Variants in BCL6 observed in about 807,000 individuals in gnomAD.
The protein encoded by BCL6 is B-cell lymphoma 6 protein.
A neutral mutation model predicts 59.5 loss-of-function variants in BCL6; 7 were observed. The observed-to-expected ratio is 0.12, with a 90% confidence interval of 0.07 to 0.22. The LOEUF is 0.22. Ranked by LOEUF, BCL6 falls within the 10% of genes least tolerant of loss-of-function variation. The pLI, the probability that BCL6 is intolerant of heterozygous loss-of-function variation, is 1.00. For missense variants in BCL6, 685 were observed against 939.4 expected (o/e 0.73, Z 3.54); for synonymous variants, 339 against 349.7 (o/e 0.97, Z 0.34).
chr3:187,741,233 A>G (rs1711579011), intron 1 of BCL6, among the ~76,000 whole-genome samples: 2 of 152,112 alleles, frequency 1.3e-5, no homozygotes, highest in African/African-American at 4.8e-5. Flanking sequence ...AGCAACCACA[A>G]CGCGGTATCT....
chr3:187,722,324 C>CCCCCCCCCCCCCCAG lies in BCL6; in HGVS notation c.*133_*134insCTGGGGGGGGGGGGG. Reference sequence around the variant, plus strand: ...CCCAGGCCCCGACCCCCACCACCCCCAACCCCCAGCTATGATTTGCACTAG... The same window carrying CCCCCCCCCCCCCCAG: ...CCCAGGCCCCGACCCCCACCACCCCCCCCCCCCCCCCCCAGAACCCCCAGCTATGATTTGCACTAG... On this transcript the variant is annotated 3_prime_UTR_variant, in exon 10 of 10. Transcript: ENST00000406870. 3.0e-6 allele frequency: 2 copies of CCCCCCCCCCCCCCAG among 670,270 alleles called. No individual in the cohort carries two copies. Among genetic ancestry groups the CCCCCCCCCCCCCCAG allele is most frequent in the East Asian group, 4.1e-5 (1 of 24,236 alleles). 41.5% of individuals were successfully genotyped at this position (670,270 alleles called of 1,614,324 possible). A position where few individuals can be genotyped will look rare whatever the true frequency, so the allele number is the denominator to read the frequency against.
At position 187,729,926 on chromosome 3, in the gene BCL6, C is replaced by T. The variant is rs138532510; in HGVS notation, c.479G>A (p.Arg160His). 104 of 1,613,996 alleles carry T rather than the reference C, an allele frequency of 6.4e-5. 1 individual carries two copies. Among genetic ancestry groups the T allele is most frequent in the South Asian group, 3.0e-4 (27 of 91,036 alleles). Residue 160 changes from arginine (R) to histidine (H), a missense_variant, in exon 5 of 10, where the codon CGT (arginine) becomes CAT (histidine). Coordinates refer to ENST00000406870, the MANE Select transcript of BCL6 (RefSeq NM_001706.5). The surrounding 1 kb of genome is among the most constrained non-coding windows in gnomAD (Gnocchi z 5.6). ...MPQDIMAYRG[R>H]EVVENNLPLR... ...TGGCAGGTTGTTCTCCACCACCTCACGACCCCGATAGGCCATGATGTCTTG... is the reference window on the plus strand; with the variant it reads ...TGGCAGGTTGTTCTCCACCACCTCATGACCCCGATAGGCCATGATGTCTTG...
intron 2 of BCL6, chr3:187,733,927 G>C (rs1409298010): frequency 1.8e-6 from 1 of 550,948 alleles, no homozygotes; most frequent in Non-Finnish European, 3.3e-6. Context: ...AAGCCCTTTA[G>C]GGGAAAAGCA....
At position 187,735,272 on chromosome 3, in the gene BCL6, C is replaced by A. The variant is rs544038280; in HGVS notation, c.-49-365G>T. ...AGAAAAATGGTTCTGTCAACATTAACAATAACGATTCGTCCGTGGCCTAAA... is the reference window on the plus strand; with the variant it reads ...AGAAAAATGGTTCTGTCAACATTAAAAATAACGATTCGTCCGTGGCCTAAA... On this transcript the variant is annotated intron_variant, in intron 1 of 9. Transcript: ENST00000406870. Among the ~76,000 whole-genome samples the A allele has an allele frequency of 4.6e-5, 7 of 152,298 alleles. No homozygotes were observed. The South Asian group carries it at 1.0e-3, about 23-fold the overall frequency.
chr3:187,736,800 C>T (rs1344849718), intron 1 of BCL6: 1 of 152,120 alleles, frequency 6.6e-6, no homozygotes, highest in African/African-American at 2.4e-5. Context: ...TTGTCACCAC[C>T]CCCACCCCAA....
rs775007455 is a variant in BCL6, at chr3:187,722,479, C to T, written c.2100G>A (p.Pro700=). Residue 700 remains proline (P), a synonymous_variant, in exon 10 of 10, where the codon CCG becomes CCA. Coordinates refer to ENST00000406870, the MANE Select transcript of BCL6 (RefSeq NM_001706.5). Reference sequence around the variant, plus strand: ...TGCTTCAGCAGGCTTTGGGGAGCTCCGGAGGCAGGTCAGTGGCTGACACGC... The same window carrying T: ...TGCTTCAGCAGGCTTTGGGGAGCTCTGGAGGCAGGTCAGTGGCTGACACGC... ...QYRVSATDLP[P]ELPKAC The T allele has an allele frequency of 1.9e-5, 30 of 1,613,192 alleles. No homozygotes were observed. Among genetic ancestry groups the T allele is most frequent in the South Asian group, 7.7e-5 (7 of 90,966 alleles).
intron 1 of BCL6, among the ~76,000 whole-genome samples, chr3:187,744,827 T>A (rs544401855): frequency 2.0e-5 from 3 of 152,040 alleles, no homozygotes; most frequent in East Asian, 1.9e-4. Context: ...GAAAGCAGTT[T>A]GCAAGCGAGA....
In BCL6 at chr3:187,722,337, T is replaced by C. The variant is rs987944706; in HGVS notation, c.*121A>G. 4 of 243,018 alleles carry C rather than the reference T, an allele frequency of 1.6e-5. No individual in the cohort carries two copies. In the South Asian group the frequency reaches 3.5e-4, roughly 21 times the overall value. The allele number at this position is 243,018 out of a possible 1,614,324, so 15.1% of individuals were successfully genotyped here. A position where few individuals can be genotyped will look rare whatever the true frequency, so the allele number is the denominator to read the frequency against. On this transcript the variant is annotated 3_prime_UTR_variant, in exon 10 of 10. Coordinates refer to ENST00000406870, the MANE Select transcript of BCL6 (RefSeq NM_001706.5). Reference sequence around the variant, plus strand: ...CCCCACCACCCCCAACCCCCAGCTATGATTTGCACTAGTGGATGAAAGAGG... The same window carrying C: ...CCCCACCACCCCCAACCCCCAGCTACGATTTGCACTAGTGGATGAAAGAGG...
chr3:187,728,443 G>C lies in BCL6; in HGVS notation c.1457C>G (p.Ala486Gly), dbSNP rs1718835093. The change falls in exon 6 of 10, where the codon GCA becomes GGA. Residue 486 changes from alanine to glycine, a missense_variant. Coordinates refer to ENST00000406870, the MANE Select transcript of BCL6 (RefSeq NM_001706.5). Reference protein sequence around the residue: ...TSCGSQSPQHAEMCLHTAGPT... With the variant: ...TSCGSQSPQHGEMCLHTAGPT... ...GCCAGCGGTGTGGAGGCACATCTCTGCATGCTGTGGGGACTGAGAGCCGCA... is the reference window on the plus strand; with the variant it reads ...GCCAGCGGTGTGGAGGCACATCTCTCCATGCTGTGGGGACTGAGAGCCGCA... 6.2e-7 allele frequency: 1 copy of C among 1,612,646 alleles called. No individual in the cohort carries two copies. Among genetic ancestry groups the C allele is most frequent in the South Asian group, 1.1e-5 (1 of 90,802 alleles).
At chr3:187,728,620 C>T (rs1718853850) in intron 5 of BCL6, 76 bp from the exon 6 acceptor site, 2 of 1,452,788 alleles carry the variant, frequency 1.4e-6, no homozygotes, top group African/African-American at 2.9e-5. Flanking sequence ...TGTGTGTAGG[C>T]AAGCCCAGAG....
chr3:187,733,669 T>C lies in BCL6; in HGVS notation c.25A>G (p.Ile9Val). The C allele has an allele frequency of 6.2e-7, 1 of 1,614,122 alleles. No homozygotes were observed. Among genetic ancestry groups the C allele is most frequent in the Non-Finnish European group, 8.5e-7 (1 of 1,179,998 alleles). The change falls in exon 3 of 10, where the codon ATC becomes GTC. Residue 9 changes from isoleucine to valine, a missense_variant. By Grantham distance (29) the Ile-to-Val change is conservative. Transcript: ENST00000406870. ...TCACTGGCATGGCGGGTGAACTGGA[T>C]ACAGCTGTCAGCCGGCGAGGCCATT... MASPADSC[I>V]QFTRHASDVL...
chr3:187,731,312 A>G (rs1307807505), intron 4 of BCL6, among the ~76,000 whole-genome samples: 2 of 152,218 alleles, frequency 1.3e-5, no homozygotes, highest in Admixed American at 1.3e-4. Context: ...TAAAATACAT[A>G]TGCAAATATT....
chr3:187,731,109 T>G (rs918535771), intron 4 of BCL6, among the ~76,000 whole-genome samples: 1 of 152,138 alleles, frequency 6.6e-6, no homozygotes, highest in African/African-American at 2.4e-5. Context: ...TAAATGAAGG[T>G]CATGTCTTAT....
In BCL6 at chr3:187,725,266, C is replaced by T. The variant is rs1353913628; in HGVS notation, c.1840-188G>A. Among the ~76,000 whole-genome samples, 1 of 151,698 alleles carries T rather than the reference C, an allele frequency of 6.6e-6. No individual in the cohort carries two copies. Among genetic ancestry groups the T allele is most frequent in the Non-Finnish European group, 1.5e-5 (1 of 67,866 alleles). The stretch of plus-strand genomic sequence containing the variant: ...GCCCACTCCTCTGCTCACCTGCCCA[C>T]TCTGCTCACCTACCCGCTCTGCTCA... On this transcript the variant is annotated intron_variant, in intron 8 of 9. Coordinates refer to ENST00000406870, the MANE Select transcript of BCL6 (RefSeq NM_001706.5). This position sits in a 1 kb window ranked among gnomAD's most constrained non-coding sequence, Gnocchi z 4.7.
chr3:187,722,631 C>T (rs1718479499), intron 9 of BCL6, 30 bp from the exon 10 acceptor site: 5 of 1,604,360 alleles, frequency 3.1e-6, no homozygotes, highest in Middle Eastern at 1.7e-4. Flanking sequence ...AAACTGTTAG[C>T]TGTCATCAAC....
intron 4 of BCL6, among the ~76,000 whole-genome samples, chr3:187,730,477 T>C (rs1299516431): frequency 2.0e-5 from 3 of 152,260 alleles, no homozygotes; most frequent in Non-Finnish European, 2.9e-5. Context: ...AATGTTGGTA[T>C]GACACTTTTG....
In BCL6 at chr3:187,725,152, C is replaced by T. The variant is rs1436393036; in HGVS notation, c.1840-74G>A. 2 of 1,592,074 alleles carry T rather than the reference C, an allele frequency of 1.3e-6. No individual in the cohort carries two copies. The highest frequency in any genetic ancestry group is 2.2e-5 in the East Asian group (1 of 44,640). On this transcript the variant is annotated intron_variant, in intron 8 of 9. Coordinates refer to ENST00000406870, the MANE Select transcript of BCL6 (RefSeq NM_001706.5). This position sits in a 1 kb window ranked among gnomAD's most constrained non-coding sequence, Gnocchi z 4.7. ...CTCTGGGCAGCCCCTCATTAGCACA[C>T]AGCCAGTGAGTGGGCCTTTCTCCAG...
intron 1 of BCL6, among the ~76,000 whole-genome samples, chr3:187,742,200 G>A (rs1406477443): frequency 6.6e-6 from 1 of 152,098 alleles, no homozygotes; most frequent in African/African-American, 2.4e-5. Flanking sequence ...CCGAGGGGTG[G>A]CGCTGCTGCA....
chr3:187,731,614 G>C lies in BCL6; in HGVS notation c.383+95C>G, dbSNP rs1001408988. Reference sequence around the variant, plus strand: ...GAAATGTGGGTTGCAGCATATCATAGAGGAGTATTTTTTCTGTATGCATGA... The same window carrying C: ...GAAATGTGGGTTGCAGCATATCATACAGGAGTATTTTTTCTGTATGCATGA... On this transcript the variant is annotated intron_variant, in intron 4 of 9. Coordinates refer to ENST00000406870, the MANE Select transcript of BCL6 (RefSeq NM_001706.5). 23 of 1,192,212 alleles carry C rather than the reference G, an allele frequency of 1.9e-5. No individual in the cohort carries two copies. The Admixed American group carries it at 3.3e-4, about 17-fold the overall frequency. The allele number at this position is 1,192,212 out of a possible 1,614,324, so 73.9% of individuals were successfully genotyped here. A position where few individuals can be genotyped will look rare whatever the true frequency, so the allele number is the denominator to read the frequency against.
Sources: gnomAD v4.1 joint callset for allele counts (sites outside exome capture counted in the v4.1 genomes callset) on GRCh38, gnomAD v4.1.1 for gene constraint, Gnocchi (gnomAD v3.1) non-coding constraint, MANE v1.5 for transcripts, NCBI Gene and HGNC (gene_info 2026-07-23, HGNC 2026-07-21) for gene names.